The following CAMTA1 variants were observed in gnomAD, a reference collection of about 807,000 sequenced individuals.
The protein encoded by CAMTA1 is calmodulin-binding transcription activator 1.
In CAMTA1, 27 loss-of-function variants were observed where a neutral mutation model predicts 170.9. The observed-to-expected ratio is 0.16, with a 90% CI of 0.12 to 0.22. The LOEUF is 0.22. Ranked by LOEUF, CAMTA1 falls within the 10% of genes least tolerant of loss-of-function variation. The pLI is 1.00. For synonymous variants in CAMTA1, 833 were observed against 891.5 expected (o/e 0.93, Z 1.17); for missense variants, 1,619 against 2,217.2 (o/e 0.73, Z 5.42).
chr1:6,942,022 C>T (rs541082594), intron 3 of CAMTA1, among the ~76,000 whole-genome samples: 11 of 151,944 alleles, frequency 7.2e-5, no homozygotes, highest in African/African-American at 1.4e-4. Context: ...GCTTCACCCA[C>T]GGGCTTCATG....
At position 7,738,256 on chromosome 1, in the gene CAMTA1, G is replaced by A; in HGVS notation, c.3956G>A (p.Gly1319Glu). ...CAAGCCTCTGGATCTCAGCCTGTAGGAAAGTGGAATTCCAAAGATCTTTAC... is the reference window on the plus strand; with the variant it reads ...CAAGCCTCTGGATCTCAGCCTGTAGAAAAGTGGAATTCCAAAGATCTTTAC... Reference protein sequence around the residue: ...AFQASGSQPVGKWNSKDLYIG... With the variant: ...AFQASGSQPVEKWNSKDLYIG... The change falls in exon 16 of 23, where the codon GGA becomes GAA. Residue 1319 changes from glycine to glutamate, a missense_variant. Transcript: ENST00000303635. The surrounding 1 kb of genome is among the most constrained non-coding windows in gnomAD (Gnocchi z 4.9). 6.2e-7 allele frequency: 1 copy of A among 1,614,098 alleles called. No individual in the cohort carries two copies. The highest frequency in any genetic ancestry group is 8.5e-7 in the Non-Finnish European group (1 of 1,180,030).
At chr1:6,868,124 T>TTTTTTTTTGAGACGG in intron 3 of CAMTA1, among the ~76,000 whole-genome samples, 1 of 152,036 alleles carries the variant, frequency 6.6e-6, no homozygotes, top group South Asian at 2.1e-4. Context: ...TAGTTCTTTT[T>TTTTTTTTTGAGACGG]AATTGTTGAA....
intron 4 of CAMTA1, among the ~76,000 whole-genome samples, chr1:7,181,363 C>T (rs1178388958): frequency 6.6e-6 from 1 of 152,104 alleles, no homozygotes; most frequent in African/African-American, 2.4e-5. Context: ...CTGCTACTAT[C>T]CCACAATTGT....
intron 5 of CAMTA1, among the ~76,000 whole-genome samples, chr1:7,432,518 C>T (rs1290185911): frequency 2.6e-5 from 4 of 152,182 alleles, no homozygotes; most frequent in South Asian, 2.1e-4. Context: ...GAGGTGGCTG[C>T]GTGGCATGAG....
intron 7 of CAMTA1, among the ~76,000 whole-genome samples, chr1:7,654,591 G>A (rs111805197): frequency 1.3e-5 from 1 of 79,330 alleles, no homozygotes; most frequent in Non-Finnish European, 2.5e-5. Context: ...CATACACACA[G>A]CTATACACAC....
At chr1:7,142,267 T>C (rs1645932318) in intron 4 of CAMTA1, 1 of 454,400 alleles carries the variant, frequency 2.2e-6, no homozygotes, top group Admixed American at 2.2e-5. Flanking sequence ...TTCTTTCAAC[T>C]CTGCTAAGCA....
intron 4 of CAMTA1, among the ~76,000 whole-genome samples, chr1:7,205,214 T>C (rs761994056): frequency 5.3e-5 from 8 of 152,210 alleles, no homozygotes; most frequent in Non-Finnish European, 1.2e-4. Flanking sequence ...TTCAAGCTAT[T>C]TTCCTGCCTT....
chr1:6,917,843 A>G (rs1423244805), intron 3 of CAMTA1, among the ~76,000 whole-genome samples: 8 of 62,826 alleles, frequency 1.3e-4, no homozygotes, highest in Non-Finnish European at 2.9e-4. Context: ...AGCAAAACCC[A>G]TCGGGGGCGG....
intron 4 of CAMTA1, among the ~76,000 whole-genome samples, chr1:7,161,717 GC>G (rs1647243289): frequency 6.6e-6 from 1 of 152,156 alleles, no homozygotes. Context: ...TTTGTAAATT[GC>G]CCAGTCTTGG....
Position 7,044,991 on chromosome 1 carries a change from A to G in CAMTA1, c.235-46313A>G, listed in dbSNP as rs1241924150. On this transcript the variant is annotated intron_variant, in intron 3 of 22. Transcript: ENST00000303635. This position sits in a 1 kb window ranked among gnomAD's most constrained non-coding sequence, Gnocchi z 5.0. Reference sequence around the variant, plus strand: ...CAGCCTCTTCATAAACCCAGTGAATAAATCTCTTCAATTGTTGAGACTCCT... The same window carrying G: ...CAGCCTCTTCATAAACCCAGTGAATGAATCTCTTCAATTGTTGAGACTCCT... 6.6e-6 allele frequency among the ~76,000 whole-genome samples: 1 copy of G among 152,168 alleles called. No homozygotes were observed. The highest frequency in any genetic ancestry group is 1.5e-5 in the Non-Finnish European group (1 of 68,036).
At chr1:7,220,374 C>T (rs1355120275) in intron 4 of CAMTA1, among the ~76,000 whole-genome samples, 13 of 152,214 alleles carry the variant, frequency 8.5e-5, no homozygotes, top group African/African-American at 2.4e-4. Flanking sequence ...AGGCCAGGCA[C>T]GCTGGGAAAT....
In CAMTA1 at chr1:7,248,659, C is replaced by G. The variant is rs1194659220; in HGVS notation, c.303-832C>G. On this transcript the variant is annotated intron_variant, in intron 4 of 22. Coordinates refer to ENST00000303635, the MANE Select transcript of CAMTA1 (RefSeq NM_015215.4). This position sits in a 1 kb window ranked among gnomAD's most constrained non-coding sequence, Gnocchi z 4.0. ...GGGGTTTCCAAACCCAAATATGTGA[C>G]CTGACCACCGCATCTGCAGATATGC... Among the ~76,000 whole-genome samples the G allele has an allele frequency of 6.6e-6, 1 of 152,022 alleles. No individual in the cohort carries two copies. Among genetic ancestry groups the G allele is most frequent in the Non-Finnish European group, 1.5e-5 (1 of 68,002 alleles).
intron 5 of CAMTA1, among the ~76,000 whole-genome samples, chr1:7,355,973 T>C (rs1257401164): frequency 6.6e-6 from 1 of 152,238 alleles, no homozygotes; most frequent in Non-Finnish European, 1.5e-5. Context: ...CTCAGGAAGA[T>C]CTAGGTATGG....
At chr1:7,310,721 T>C (rs1676563992) in intron 5 of CAMTA1, among the ~76,000 whole-genome samples, 1 of 94,642 alleles carries the variant, frequency 1.1e-5, no homozygotes, top group Admixed American at 1.3e-4. Context: ...TTTCTTTCTT[T>C]CTTTCTTTCT....
At chr1:7,703,548 A>T (rs2096465737) in intron 11 of CAMTA1, among the ~76,000 whole-genome samples, 1 of 152,152 alleles carries the variant, frequency 6.6e-6, no homozygotes, top group Non-Finnish European at 1.5e-5. Flanking sequence ...TACAGGCTTA[A>T]GGGCTCTGCA....
intron 3 of CAMTA1, among the ~76,000 whole-genome samples, chr1:6,875,809 T>TTG (rs1669673206): frequency 6.6e-6 from 1 of 152,214 alleles, no homozygotes; most frequent in Non-Finnish European, 1.5e-5. Context: ...CCCAAGACTC[T>TTG]TGTTCTAGAG....
chr1:7,511,565 T>G (rs2094201894), intron 6 of CAMTA1, among the ~76,000 whole-genome samples: 1 of 152,120 alleles, frequency 6.6e-6, no homozygotes, highest in African/African-American at 2.4e-5. Flanking sequence ...CTGGGAACTT[T>G]TCCAGCTGCT....
chr1:7,219,042 A>G (rs1442811637), intron 4 of CAMTA1, among the ~76,000 whole-genome samples: 3 of 152,152 alleles, frequency 2.0e-5, no homozygotes, highest in Admixed American at 2.0e-4. Context: ...CCTGTTATGA[A>G]CACCATCTTT....
intron 6 of CAMTA1, among the ~76,000 whole-genome samples, chr1:7,518,623 G>C (rs1003179630): frequency 1.6e-4 from 24 of 151,992 alleles, no homozygotes; most frequent in Non-Finnish European, 3.1e-4. Context: ...ATGGACCTGT[G>C]CCCACCCAGC....
Sources: allele counts gnomAD v4.1 joint callset (sites outside exome capture counted in the v4.1 genomes callset), GRCh38; gene constraint gnomAD v4.1.1; non-coding constraint Gnocchi (gnomAD v3.1); transcripts MANE v1.5; gene names NCBI Gene and HGNC (gene_info 2026-07-23, HGNC 2026-07-21).